PCSK5: variants seen among roughly 807,000 people sequenced by gnomAD.
The protein encoded by PCSK5 is prohormone convertase 5.
PCSK5 carries 129 observed loss-of-function variants against 233.2 expected under a neutral mutation model. That is an observed-to-expected ratio of 0.55 (90% CI 0.48 to 0.64). The LOEUF is 0.64. Ranked by LOEUF, PCSK5 falls within the 30% of genes least tolerant of loss-of-function variation. PCSK5 has a pLI of 0.00. For synonymous variants in PCSK5, 825 were observed against 879.2 expected, an observed-to-expected ratio of 0.94 and a Z score of 1.09; for missense variants, 2,076 against 2,430.1, an observed-to-expected ratio of 0.85 and a Z score of 3.06.
At chr9:75,904,061 G>A (rs183652612) in intron 1 of PCSK5, among the ~76,000 whole-genome samples, 1 of 152,194 alleles carries the variant, frequency 6.6e-6, no homozygotes, top group Admixed American at 6.5e-5. Flanking sequence ...TAACTATGGG[G>A]CGTCTTTCAA....
intron 2 of PCSK5, among the ~76,000 whole-genome samples, chr9:75,974,826 T>G (rs183724199): frequency 1.1e-3 from 166 of 152,290 alleles, no homozygotes; most frequent in African/African-American, 4.0e-3. Flanking sequence ...ATTTTAGGAT[T>G]TAAAAACATA....
At chr9:76,166,967 A>G (rs544722532) in intron 12 of PCSK5, among the ~76,000 whole-genome samples, 1 of 152,352 alleles carries the variant, frequency 6.6e-6, no homozygotes, top group African/African-American at 2.4e-5. Flanking sequence ...GTATATAATG[A>G]CACAGCCATT....
chr9:76,049,718 A>T (rs545990687), intron 5 of PCSK5, among the ~76,000 whole-genome samples: 4 of 152,312 alleles, frequency 2.6e-5, no homozygotes, highest in African/African-American at 9.6e-5. Context: ...CAAACAGATA[A>T]TTGTCAACCC....
intron 5 of PCSK5, among the ~76,000 whole-genome samples, chr9:76,065,216 G>C (rs1454928708): frequency 6.6e-6 from 1 of 152,146 alleles, no homozygotes; most frequent in East Asian, 1.9e-4. Flanking sequence ...TACGGGACCC[G>C]CCATACTGTT....
At position 76,362,549 on chromosome 9, in the gene PCSK5, C is replaced by T. The variant is rs1050748142; in HGVS notation, c.*3627C>T. On this transcript the variant is annotated 3_prime_UTR_variant, in exon 38 of 38. Coordinates refer to ENST00000674117, the MANE Select transcript of PCSK5 (RefSeq NM_001372043.1). ...CTGTCTTTCTGCCTCATCAGCACTG[C>T]CTCAATCTAAGGGAGGAAACCACCC... Among the ~76,000 whole-genome samples the T allele has an allele frequency of 3.3e-5, 5 of 152,214 alleles. No homozygotes were observed. The highest frequency in any genetic ancestry group is 3.2e-3 in the Middle Eastern group (1 of 314).
In PCSK5 at chr9:76,315,557, A is replaced by G. The variant is rs1828997494; in HGVS notation, c.3884+4706A>G. ...TCTTCTTAAATAAAATAATTGTGAAATAAAGCACTAAGAAAAACAGTTTTA... is the reference window on the plus strand; with the variant it reads ...TCTTCTTAAATAAAATAATTGTGAAGTAAAGCACTAAGAAAAACAGTTTTA... On this transcript the variant is annotated intron_variant, in intron 30 of 37. Transcript: ENST00000674117. Among the ~76,000 whole-genome samples the G allele has an allele frequency of 2.6e-5, 4 of 152,338 alleles. No homozygotes were observed. The South Asian group carries it at 8.3e-4, about 32-fold the overall frequency.
chr9:75,987,480 C>T (rs894143142), intron 3 of PCSK5, among the ~76,000 whole-genome samples: 2 of 152,148 alleles, frequency 1.3e-5, no homozygotes, highest in African/African-American at 2.4e-5. Context: ...TCCCCAGAAA[C>T]CTAACCCAGC....
At chr9:75,988,439 G>C (rs527810919) in intron 3 of PCSK5, among the ~76,000 whole-genome samples, 2 of 151,860 alleles carry the variant, frequency 1.3e-5, no homozygotes, top group Non-Finnish European at 2.9e-5. Flanking sequence ...GCACCACCAT[G>C]CTTGGTTAAT....
intron 10 of PCSK5, among the ~76,000 whole-genome samples, chr9:76,156,145 A>T (rs963827894): frequency 1.3e-5 from 2 of 152,268 alleles, no homozygotes; most frequent in African/African-American, 4.8e-5. Flanking sequence ...ATAGTGTTGA[A>T]TGTAAAGTTA....
intron 6 of PCSK5, among the ~76,000 whole-genome samples, chr9:76,068,939 G>A (rs1231550662): frequency 6.6e-6 from 1 of 152,082 alleles, no homozygotes; most frequent in African/African-American, 2.4e-5. Flanking sequence ...AAATAAAAAT[G>A]ACAATTCTTT....
At chr9:76,125,462 C>G (rs1832810632) in intron 9 of PCSK5, among the ~76,000 whole-genome samples, 1 of 152,142 alleles carries the variant, frequency 6.6e-6, no homozygotes, top group African/African-American at 2.4e-5. Context: ...AATTGTATGA[C>G]TTTGAGGAAG....
At chr9:75,917,178 A>G (rs1035074399) in intron 1 of PCSK5, among the ~76,000 whole-genome samples, 8 of 151,966 alleles carry the variant, frequency 5.3e-5, no homozygotes, top group African/African-American at 1.9e-4. Flanking sequence ...CAGAAAAAAA[A>G]AAAAAAAAAA....
chr9:76,281,258 A>G (rs914535250), intron 24 of PCSK5, among the ~76,000 whole-genome samples: 6 of 152,232 alleles, frequency 3.9e-5, no homozygotes, highest in Non-Finnish European at 7.3e-5. Flanking sequence ...AGAGAGGAGA[A>G]GTCAACGCCT....
chr9:76,008,563 G>C lies in PCSK5; in HGVS notation c.412-15175G>C, dbSNP rs140034555. 7.7e-3 allele frequency among the ~76,000 whole-genome samples: 1,165 copies of C among 152,078 alleles called. 17 individuals are homozygous for C. The highest frequency in any genetic ancestry group is 0.026 in the African/African-American group (1,067 of 41,464). On this transcript the variant is annotated intron_variant, in intron 3 of 37. Transcript: ENST00000674117. ...CACAACCTCTGCCTCCCAGGTTCAA[G>C]TGATTCTTCTGCCTCAGCCTCTTGA...
chr9:76,239,853 G>C (rs964807590), intron 23 of PCSK5, among the ~76,000 whole-genome samples: 1 of 152,092 alleles, frequency 6.6e-6, no homozygotes, highest in African/African-American at 2.4e-5. Flanking sequence ...CTAGACATGA[G>C]ACCCTAGGCA....
intron 20 of PCSK5, among the ~76,000 whole-genome samples, chr9:76,206,974 T>C (rs1243578676): frequency 1.3e-5 from 2 of 152,136 alleles, no homozygotes; most frequent in African/African-American, 2.4e-5. Context: ...TTCTTGTTTT[T>C]TTCAGCTTCT....
chr9:76,106,931 G>A (rs1832002647), intron 8 of PCSK5, among the ~76,000 whole-genome samples: 1 of 152,186 alleles, frequency 6.6e-6, no homozygotes, highest in Admixed American at 6.5e-5. Flanking sequence ...CTGGCACTAG[G>A]GAGAAGCAAG....
intron 9 of PCSK5, among the ~76,000 whole-genome samples, chr9:76,112,723 T>C (rs941892822): frequency 8.5e-5 from 13 of 152,132 alleles, no homozygotes; most frequent in Admixed American, 8.5e-4. Context: ...TATAAAATAT[T>C]ATATATCACT....
intron 35 of PCSK5, among the ~76,000 whole-genome samples, chr9:76,346,656 G>A (rs1191602111): frequency 6.6e-6 from 1 of 152,012 alleles, no homozygotes; most frequent in African/African-American, 2.4e-5. Context: ...GTCCCTTGCT[G>A]GTTAGGAAAA....
Sources: gnomAD v4.1 joint callset for allele counts (sites outside exome capture counted in the v4.1 genomes callset) on GRCh38, gnomAD v4.1.1 for gene constraint, MANE v1.5 for transcripts, NCBI Gene and HGNC (gene_info 2026-07-23, HGNC 2026-07-21) for gene names.